ARB2A: variants seen among roughly 807,000 people sequenced by gnomAD.
The protein encoded by ARB2A is cotranscriptional regulator ARB2A.
At chr5:93,807,822 A>T in the ARB2A span, among the ~76,000 whole-genome samples, 1 of 151,740 alleles carries the variant, frequency 6.6e-6, no homozygotes, top group Non-Finnish European at 1.5e-5. Context: ...AATTAGGGGG[A>T]AAAAAAAGCA....
At chr5:94,080,326 A>C in the ARB2A span, among the ~76,000 whole-genome samples, 3 of 152,194 alleles carry the variant, frequency 2.0e-5, no homozygotes, top group East Asian at 5.8e-4. Flanking sequence ...CTCCAGGCCA[A>C]ATTATCTTCA....
At chr5:94,102,019 A>G in the ARB2A span, among the ~76,000 whole-genome samples, 1 of 152,054 alleles carries the variant, frequency 6.6e-6, no homozygotes, top group African/African-American at 2.4e-5. Context: ...TAAATAATGA[A>G]TAATTACAAA....
chr5:94,031,182 G>GA, the ARB2A span, among the ~76,000 whole-genome samples: 1 of 152,096 alleles, frequency 6.6e-6, no homozygotes, highest in African/African-American at 2.4e-5. Context: ...GAGTAAGCTA[G>GA]AAAAAAACCT....
At chr5:94,006,405 A>G in the ARB2A span, among the ~76,000 whole-genome samples, 1 of 152,226 alleles carries the variant, frequency 6.6e-6, no homozygotes. Flanking sequence ...TGCTGTGGCT[A>G]TAAAAGGACA....
At chr5:93,637,354 GTTTTTT>G in the ARB2A span, among the ~76,000 whole-genome samples, 6 of 116,098 alleles carry the variant, frequency 5.2e-5, no homozygotes, top group African/African-American at 1.6e-4. Context: ...GGGTTGTTTA[GTTTTTT>G]TTTTTTTTTT....
At chr5:93,703,239 T>C in the ARB2A span, among the ~76,000 whole-genome samples, 1 of 152,244 alleles carries the variant, frequency 6.6e-6, no homozygotes, top group South Asian at 2.1e-4. Flanking sequence ...TGGCAAACCT[T>C]CAGGAACTGC....
chr5:93,661,325 C>G, the ARB2A span, among the ~76,000 whole-genome samples: 1 of 152,120 alleles, frequency 6.6e-6, no homozygotes. Context: ...GTGCCCCAAA[C>G]TAGGGATAGT....
the ARB2A span, among the ~76,000 whole-genome samples, chr5:93,894,651 G>A: frequency 3.5e-4 from 53 of 152,214 alleles, no homozygotes; most frequent in Non-Finnish European, 5.3e-4. Flanking sequence ...GGTGGCTTAT[G>A]TGGTCTTTAC....
At chr5:93,853,515 AG>A in the ARB2A span, among the ~76,000 whole-genome samples, 3 of 152,088 alleles carry the variant, frequency 2.0e-5, no homozygotes, top group African/African-American at 7.2e-5. Flanking sequence ...GTGGTGAGAG[AG>A]GGCATCCCTG....
chr5:93,852,185 T>C, the ARB2A span, among the ~76,000 whole-genome samples: 6 of 152,332 alleles, frequency 3.9e-5, no homozygotes, highest in Non-Finnish European at 7.3e-5. Flanking sequence ...GGTTTTGATT[T>C]GCATTTCTCT....
the ARB2A span, among the ~76,000 whole-genome samples, chr5:93,869,400 G>GGGAGCTC: frequency 1.3e-5 from 2 of 152,102 alleles, no homozygotes; most frequent in East Asian, 3.8e-4. Flanking sequence ...CTTAGACAAA[G>GGGAGCTC]GGAGCTCAAT....
At chr5:93,686,657 G>A in the ARB2A span, among the ~76,000 whole-genome samples, 7 of 151,994 alleles carry the variant, frequency 4.6e-5, no homozygotes, top group Non-Finnish European at 8.8e-5. Flanking sequence ...AATCTGCTAG[G>A]CCCCACTGTC....
the ARB2A span, among the ~76,000 whole-genome samples, chr5:93,916,520 G>C: frequency 2.4e-3 from 364 of 152,164 alleles, no homozygotes; most frequent in African/African-American, 8.4e-3. Context: ...TTAAAAATAT[G>C]ACCTATTTCA....
At chr5:93,949,009 T>C in the ARB2A span, among the ~76,000 whole-genome samples, 4 of 152,236 alleles carry the variant, frequency 2.6e-5, no homozygotes, top group East Asian at 3.9e-4. Flanking sequence ...CCCAAAGATA[T>C]AGATCATGTG....
At chr5:93,863,728 T>C in the ARB2A span, 1 of 152,178 alleles carries the variant, frequency 6.6e-6, no homozygotes, top group Non-Finnish European at 1.5e-5. Flanking sequence ...ATTTGTTGCA[T>C]AATTTTAGCT....
chr5:93,816,279 C>A, the ARB2A span, among the ~76,000 whole-genome samples: 2 of 152,078 alleles, frequency 1.3e-5, no homozygotes, highest in African/African-American at 4.8e-5. Flanking sequence ...GCCCTATTAT[C>A]AACTGAAATG....
At chr5:93,750,982 C>T in the ARB2A span, among the ~76,000 whole-genome samples, 1 of 152,140 alleles carries the variant, frequency 6.6e-6, no homozygotes, top group Non-Finnish European at 1.5e-5. Flanking sequence ...AAAATGTTTA[C>T]ATTACTTTCT....
chr5:93,772,246 A>C, the ARB2A span, among the ~76,000 whole-genome samples: 8 of 152,146 alleles, frequency 5.3e-5, no homozygotes, highest in Admixed American at 5.2e-4. Context: ...CATAGGTGGG[A>C]ATTGAACAAT....
At chr5:93,972,339 T>A in the ARB2A span, among the ~76,000 whole-genome samples, 1 of 151,944 alleles carries the variant, frequency 6.6e-6, no homozygotes, top group Non-Finnish European at 1.5e-5. Flanking sequence ...GAAACCTATA[T>A]AGAGCCTTGG....
Sources: gnomAD v4.1 joint callset for allele counts (sites outside exome capture counted in the v4.1 genomes callset) on GRCh38, gnomAD v4.1.1 for gene constraint, MANE v1.5 for transcripts, NCBI Gene and HGNC (gene_info 2026-07-23, HGNC 2026-07-21) for gene names.